CDK5RAP2: variants seen among roughly 807,000 people sequenced by gnomAD.
CDK5RAP2 encodes CDK5 regulatory subunit associated protein 2.
Under a neutral mutation model 232.9 loss-of-function variants are expected in CDK5RAP2, and 147 were observed. That is an observed-to-expected ratio of 0.63 (90% CI 0.55 to 0.72). The LOEUF (loss-of-function observed/expected upper bound fraction) is 0.72. CDK5RAP2 is among the 30% of genes least tolerant of loss of function. The pLI is 0.00. For synonymous variants in CDK5RAP2, 833 were observed against 833.7 expected (o/e 1.00, Z 0.01); for missense variants, 2,195 against 2,231.5 (o/e 0.98, Z 0.33).
chr9:120,474,849 T>C (rs147340923), intron 15 of CDK5RAP2, among the ~76,000 whole-genome samples: 1 of 152,310 alleles, frequency 6.6e-6, no homozygotes, highest in East Asian at 1.9e-4. Context: ...TTCCTGTCAA[T>C]TTCCAGAGTG....
rs2039568324 is a variant in CDK5RAP2, at chr9:120,501,372, A to G, written c.1312-9895T>C. 2.0e-5 allele frequency among the ~76,000 whole-genome samples: 3 copies of G among 152,298 alleles called. No homozygotes were observed. The South Asian group carries it at 6.2e-4, about 32-fold the overall frequency. On this transcript the variant is annotated intron_variant, in intron 12 of 37. Coordinates refer to ENST00000349780, the MANE Select transcript of CDK5RAP2 (RefSeq NM_018249.6). ...ATTCCTTCCCTTCACCACTTGCCCC[A>G]TGGAACCTCCTAATATAGTATTTAA... is the stretch of plus-strand genomic sequence containing the variant.
intron 4 of CDK5RAP2, among the ~76,000 whole-genome samples, chr9:120,547,378 C>A (rs563655700): frequency 3.3e-5 from 5 of 151,744 alleles, no homozygotes; most frequent in African/African-American, 1.2e-4. Flanking sequence ...CTGAGGTGGG[C>A]GGATCACTTG....
chr9:120,427,136 T>A (rs1233735165), intron 25 of CDK5RAP2, among the ~76,000 whole-genome samples: 1 of 152,214 alleles, frequency 6.6e-6, no homozygotes, highest in Non-Finnish European at 1.5e-5. Flanking sequence ...GAGTGTCTAT[T>A]GGGTTTTTTG....
intron 3 of CDK5RAP2, among the ~76,000 whole-genome samples, chr9:120,560,752 G>C (rs756505315): frequency 6.6e-6 from 1 of 152,094 alleles, no homozygotes; most frequent in Non-Finnish European, 1.5e-5. Flanking sequence ...AAGTAGCTGG[G>C]ATTACAGGCA....
At chr9:120,542,710 T>C (rs1174731573) in intron 5 of CDK5RAP2, among the ~76,000 whole-genome samples, 2 of 152,224 alleles carry the variant, frequency 1.3e-5, no homozygotes, top group Non-Finnish European at 2.9e-5. Context: ...CCCTTCCCTT[T>C]TCCTGGCCTA....
chr9:120,474,572 G>A, intron 15 of CDK5RAP2, among the ~76,000 whole-genome samples: 1 of 152,204 alleles, frequency 6.6e-6, no homozygotes, highest in East Asian at 1.9e-4. Context: ...TCAAGATGGG[G>A]AGTGTATCAG....
chr9:120,571,843 C>A (rs370805294), intron 2 of CDK5RAP2, 131 bp downstream of exon 2: 2 of 730,128 alleles, frequency 2.7e-6, no homozygotes, highest in East Asian at 2.6e-5. Flanking sequence ...ACAAAAAATA[C>A]TGAGCACCTA....
At chr9:120,509,549 G>A (rs2131774666) in intron 12 of CDK5RAP2, among the ~76,000 whole-genome samples, 1 of 152,336 alleles carries the variant, frequency 6.6e-6, no homozygotes, top group African/African-American at 2.4e-5. Context: ...TTAAGCACTT[G>A]TAAGTGAAGC....
At chr9:120,395,167 A>G (rs1390426379) in intron 35 of CDK5RAP2, among the ~76,000 whole-genome samples, 1 of 152,246 alleles carries the variant, frequency 6.6e-6, no homozygotes, top group Non-Finnish European at 1.5e-5. Flanking sequence ...GTGACAAAAG[A>G]GCCCAGAACA....
chr9:120,392,021 T>C (rs2131195361), intron 36 of CDK5RAP2, among the ~76,000 whole-genome samples: 1 of 152,240 alleles, frequency 6.6e-6, no homozygotes, highest in South Asian at 2.1e-4. Flanking sequence ...AGATGGACAA[T>C]ACCAGCTCAG....
Position 120,539,089 on chromosome 9 carries a change from C to A in CDK5RAP2, c.459G>T (p.Val153=). 6.2e-7 allele frequency: 1 copy of A among 1,614,000 alleles called. No individual in the cohort carries two copies. Among genetic ancestry groups the A allele is most frequent in the Non-Finnish European group, 8.5e-7 (1 of 1,179,870 alleles). ...QRVKEDARKK[V]QQVEDLLTKR... ...TAGTTAGGAGATCTTCCACCTGCTGCACCTTCTTTCGAGCATCTTCTTTCA... is the reference window on the plus strand; with the variant it reads ...TAGTTAGGAGATCTTCCACCTGCTGAACCTTCTTTCGAGCATCTTCTTTCA... The change falls in exon 6 of 38, where the codon GTG becomes GTT. Residue 153 remains valine (V), a synonymous_variant. Transcript: ENST00000349780.
At chr9:120,564,363 G>A (rs1220389316) in intron 3 of CDK5RAP2, among the ~76,000 whole-genome samples, 1 of 151,876 alleles carries the variant, frequency 6.6e-6, no homozygotes, top group Non-Finnish European at 1.5e-5. Context: ...GGTGGCATAC[G>A]CCTGTAATCC....
chr9:120,512,963 G>A (rs2040163230), intron 12 of CDK5RAP2, among the ~76,000 whole-genome samples: 1 of 152,180 alleles, frequency 6.6e-6, no homozygotes, highest in African/African-American at 2.4e-5. Flanking sequence ...GGATTGAGCT[G>A]AATGTGAATT....
intron 6 of CDK5RAP2, among the ~76,000 whole-genome samples, chr9:120,538,734 C>A (rs1028322206): frequency 6.6e-6 from 1 of 152,108 alleles, no homozygotes; most frequent in South Asian, 2.1e-4. Context: ...CTTTAAAATC[C>A]GCATAGTTAA....
In CDK5RAP2 at chr9:120,462,878, T is replaced by C. The variant is rs543141593; in HGVS notation, c.2107-2211A>G. ...TTTGACTATAAGCATTTATTGAAGA[T>C]ATGCACATTGAAGTACTTGGGGGAA... is the stretch of plus-strand genomic sequence containing the variant. On this transcript the variant is annotated intron_variant, in intron 18 of 37. Coordinates refer to ENST00000349780, the MANE Select transcript of CDK5RAP2 (RefSeq NM_018249.6). Among the ~76,000 whole-genome samples the C allele has an allele frequency of 5.9e-5, 9 of 152,326 alleles. No homozygotes were observed. In the East Asian group the frequency reaches 1.7e-3, roughly 29 times the overall value.
chr9:120,453,718 T>C lies in CDK5RAP2; in HGVS notation c.2531A>G (p.Lys844Arg), dbSNP rs1369648469. The C allele has an allele frequency of 1.9e-6, 3 of 1,614,250 alleles. No homozygotes were observed. The highest frequency in any genetic ancestry group is 2.5e-6 in the Non-Finnish European group (3 of 1,180,042). The change falls in exon 21 of 38, where the codon AAG becomes AGG. Residue 844 changes from lysine (K) to arginine (R), a missense_variant. Coordinates refer to ENST00000349780, the MANE Select transcript of CDK5RAP2 (RefSeq NM_018249.6). ...VHFVQTNSFSKPHDELKLSCE... is the reference protein window; with the variant it reads ...VHFVQTNSFSRPHDELKLSCE... ...AGACAACTTCAGTTCATCATGTGGC[T>C]TGGAAAATGAGTTGGTTTGGACAAA...
intron 32 of CDK5RAP2, chr9:120,406,692 T>G (rs1191893574): frequency 2.8e-6 from 1 of 362,816 alleles, no homozygotes; most frequent in African/African-American, 2.0e-5. Flanking sequence ...TAAGAGAAAC[T>G]AAAAGAAATT....
chr9:120,390,815 T>C (rs1005022475), intron 36 of CDK5RAP2, among the ~76,000 whole-genome samples: 2 of 152,204 alleles, frequency 1.3e-5, no homozygotes, highest in Non-Finnish European at 2.9e-5. Context: ...TCAGAATAGG[T>C]GTCTGTCGTG....
intron 31 of CDK5RAP2, chr9:120,408,043 T>G: frequency 2.4e-6 from 1 of 413,026 alleles, no homozygotes; most frequent in Non-Finnish European, 4.6e-6. Flanking sequence ...CTGAGAGACA[T>G]GTTTTACAGA....
Sources: allele counts gnomAD v4.1 joint callset (sites outside exome capture counted in the v4.1 genomes callset), GRCh38; gene constraint gnomAD v4.1.1; transcripts MANE v1.5; gene names NCBI Gene and HGNC (gene_info 2026-07-23, HGNC 2026-07-21).